The following FCAMR variants were observed in gnomAD, a reference collection of about 807,000 sequenced individuals.
FCAMR encodes Fc alpha and mu receptor, also known as high affinity immunoglobulin alpha and immunoglobulin mu Fc receptor.
Under a neutral mutation model 52.2 loss-of-function variants are expected in FCAMR, and 51 were observed. The ratio of observed to expected loss-of-function variants is 0.98; its 90% CI spans 0.78 to 1.23. The LOEUF is 1.23. Ranked by LOEUF, FCAMR falls within the 50% of genes most tolerant of loss-of-function variation. FCAMR has a pLI of 0.00. For synonymous variants in FCAMR, 282 were observed against 262.0 expected (o/e 1.08, Z -0.74); for missense variants, 719 against 712.6 (o/e 1.01, Z -0.10).
At position 206,962,345 on chromosome 1, in the gene FCAMR, CTG is replaced by C. The variant is rs1209233145; in HGVS notation, c.518_519del (p.Thr173ArgfsTer19). ...ACAAACAAGCCTCTCTGTGGAAAGT[CTG>C]TGAGGGCCACACGGTCACGATAGCG... ...HHRYRDRVAL[T>X]DFPQRGLFVV... On this transcript the variant is annotated frameshift_variant, in exon 5 of 8. Coordinates refer to ENST00000324852, the MANE Select transcript of FCAMR (RefSeq NM_001170631.2). LOFTEE classifies it high-confidence loss of function. The C allele has an allele frequency of 1.2e-6, 2 of 1,614,114 alleles. No individual in the cohort carries two copies. The highest frequency in any genetic ancestry group is 8.5e-7 in the Non-Finnish European group (1 of 1,180,048).
intron 3 of FCAMR, among the ~76,000 whole-genome samples, chr1:206,966,398 T>C (rs558092105): frequency 3.3e-5 from 5 of 152,196 alleles, no homozygotes; most frequent in Non-Finnish European, 5.9e-5. Context: ...TTTTTGTTTT[T>C]GTTTTGAGAT....
rs989009096 is a variant in FCAMR, at chr1:206,957,998, A to T, written c.*518T>A. The T allele has an allele frequency of 6.6e-6, 1 of 152,286 alleles. No homozygotes were observed. The allele number at this position is 152,286 out of a possible 1,614,324, so 9.4% of individuals were successfully genotyped here. On this transcript the variant is annotated 3_prime_UTR_variant, in exon 8 of 8. Transcript: ENST00000324852. Reference sequence around the variant, plus strand: ...AGACACAGGTATTTATTGGGGTCCTACTGAGTTGGAAGTTCTCTGGGGGCA... The same window carrying T: ...AGACACAGGTATTTATTGGGGTCCTTCTGAGTTGGAAGTTCTCTGGGGGCA...
chr1:206,961,977 G>A (rs1369544732), intron 5 of FCAMR, among the ~76,000 whole-genome samples: 1 of 152,198 alleles, frequency 6.6e-6, no homozygotes, highest in Non-Finnish European at 1.5e-5. Context: ...GGGGGACACA[G>A]GTGGGAGAGT....
At chr1:206,959,421 G>A (rs959105527) in intron 7 of FCAMR, among the ~76,000 whole-genome samples, 1 of 149,318 alleles carries the variant, frequency 6.7e-6, no homozygotes, top group Non-Finnish European at 1.5e-5. Context: ...AAGTTGTAGT[G>A]AGCCAAGATC....
chr1:206,962,923 A>C (rs1040325351), intron 4 of FCAMR, among the ~76,000 whole-genome samples: 1 of 152,202 alleles, frequency 6.6e-6, no homozygotes, highest in Non-Finnish European at 1.5e-5. Context: ...GTCACTCCTC[A>C]CTGTAGATTT....
chr1:206,969,538 A>G (rs548867018), intron 1 of FCAMR, among the ~76,000 whole-genome samples: 54 of 152,284 alleles, frequency 3.5e-4, no homozygotes, highest in African/African-American at 1.3e-3. Flanking sequence ...TGTCCCTCTC[A>G]TCCTGCTGGG....
chr1:206,963,222 T>C (rs1439290778), intron 4 of FCAMR, among the ~76,000 whole-genome samples: 2 of 152,230 alleles, frequency 1.3e-5, no homozygotes, highest in East Asian at 1.9e-4. Flanking sequence ...TTCACACTAG[T>C]CACTTTTCCA....
intron 3 of FCAMR, 124 bp from the exon 4 acceptor site, chr1:206,965,982 A>G: frequency 2.2e-6 from 3 of 1,336,226 alleles, no homozygotes; most frequent in Non-Finnish European, 3.1e-6. Flanking sequence ...CAGGCCATCC[A>G]TCAAGTAAGA....
Position 206,958,647 on chromosome 1 carries a change from G to A in FCAMR, c.1603C>T (p.Gln535Ter). The A allele has an allele frequency of 6.2e-7, 1 of 1,614,072 alleles. No individual in the cohort carries two copies. Among genetic ancestry groups the A allele is most frequent in the Non-Finnish European group, 8.5e-7 (1 of 1,180,028 alleles). ...SQEAERVTLIQMTHFLEVNPQ... is the reference protein window; with the variant it reads ...SQEAERVTLI ...TTCACTTCCAGAAAATGTGTCATCT[G>A]AATTAAGGTGACCCTTTCTGCCTCC... is the stretch of plus-strand genomic sequence containing the variant. The change falls in exon 8 of 8, where the codon CAG becomes TAG. Residue 535 changes from glutamine (Q) to a stop codon, truncating the protein, a stop_gained. Coordinates refer to ENST00000324852, the MANE Select transcript of FCAMR (RefSeq NM_001170631.2). LOFTEE classifies it low-confidence loss of function (END_TRUNC).
At position 206,961,134 on chromosome 1, in the gene FCAMR, A is replaced by C. The variant is rs1169832204; in HGVS notation, c.742T>G (p.Trp248Gly). 2 of 1,551,560 alleles carry C rather than the reference A, an allele frequency of 1.3e-6. No homozygotes were observed. The highest frequency in any genetic ancestry group is 1.4e-5 in the African/African-American group (1 of 72,998). ...YGTASPVANR[W>G]TPGTTQTLGQ... Reference sequence around the variant, plus strand: ...AAGGTCTGGGTGGTTCCTGGGGTCCATCTGTTGGCCACTGGAGACGCTGTT... The same window carrying C: ...AAGGTCTGGGTGGTTCCTGGGGTCCCTCTGTTGGCCACTGGAGACGCTGTT... Residue 248 changes from tryptophan (W) to glycine (G), a missense_variant, in exon 6 of 8, where the codon TGG becomes GGG. Physicochemically the swap from Trp to Gly is radical, Grantham distance 184. Transcript: ENST00000324852.
At chr1:206,965,213 T>C (rs1004785897) in intron 4 of FCAMR, among the ~76,000 whole-genome samples, 32 of 152,208 alleles carry the variant, frequency 2.1e-4, no homozygotes, top group African/African-American at 7.5e-4. Context: ...TTTCAGGAAT[T>C]CCCCTGATCT....
Position 206,967,033 on chromosome 1 carries a change from G to A in FCAMR, c.169+19C>T, listed in dbSNP as rs1680742248. 6.2e-7 allele frequency: 1 copy of A among 1,613,432 alleles called. No homozygotes were observed. Among genetic ancestry groups the A allele is most frequent in the Non-Finnish European group, 8.5e-7 (1 of 1,179,842 alleles). On this transcript the variant is annotated intron_variant, in intron 3 of 7. Transcript: ENST00000324852. ...TCTGGTTTTGTAAGCCCTGAACCTG[G>A]GCTGGGTTTGGGACTCACCTTGTAG...
intron 1 of FCAMR, among the ~76,000 whole-genome samples, chr1:206,968,499 T>C (rs1174920930): frequency 6.6e-6 from 1 of 152,238 alleles, no homozygotes; most frequent in African/African-American, 2.4e-5. Flanking sequence ...AAACTAAAGT[T>C]AGCCGTTGAG....
intron 6 of FCAMR, chr1:206,960,221 A>T: frequency 1.7e-6 from 1 of 581,428 alleles, no homozygotes. Context: ...TCATTTAGAT[A>T]TCACTTGAAA....
intron 5 of FCAMR, 117 bp downstream of exon 5, chr1:206,962,096 T>G: frequency 9.7e-7 from 1 of 1,029,458 alleles, no homozygotes; most frequent in Non-Finnish European, 1.4e-6. Context: ...TGCCCCAGCT[T>G]TTCATTGTCA....
chr1:206,968,994 T>C (rs1680824702), intron 1 of FCAMR, among the ~76,000 whole-genome samples: 1 of 152,196 alleles, frequency 6.6e-6, no homozygotes, highest in South Asian at 2.1e-4. Context: ...GCAAGTCCCC[T>C]AGCTTGGGCA....
rs17018337 is a variant in FCAMR, at chr1:206,960,847, G to A, written c.1029C>T (p.Asp343=). The A allele has an allele frequency of 0.011, 17,714 of 1,552,282 alleles. 1,643 individuals are homozygous for A. The African/African-American group carries it at 0.21, about 18-fold the overall frequency. The change falls in exon 6 of 8, where the codon GAC becomes GAT. Residue 343 remains aspartate (D), a synonymous_variant. Coordinates refer to ENST00000324852, the MANE Select transcript of FCAMR (RefSeq NM_001170631.2). ...CCTTGGTAGTTGTCATCTCCCTCCTGTCCTTGCTGGCTCTAGCCCTGTTTG... is the reference window on the plus strand; with the variant it reads ...CCTTGGTAGTTGTCATCTCCCTCCTATCCTTGCTGGCTCTAGCCCTGTTTG... ...SVTNRARASK[D]RREMTTTKAD...
In FCAMR at chr1:206,962,403, G is replaced by T; in HGVS notation, c.462C>A (p.Thr154=). The change falls in exon 5 of 8, where the codon ACC becomes ACA. Residue 154 remains threonine, a synonymous_variant. Transcript: ENST00000324852. ...GAGTATACTGGTTGGTGGACACAAT[G>T]GTCTGGCAGATCCATCTTGGGGGCC... ...RLGPPRWICQ[T]IVSTNQYTHH... is the part of the protein sequence containing the mutation. 2 of 1,614,170 alleles carry T rather than the reference G, an allele frequency of 1.2e-6. No individual in the cohort carries two copies. Among genetic ancestry groups the T allele is most frequent in the South Asian group, 1.1e-5 (1 of 91,076 alleles).
At position 206,962,516 on chromosome 1, in the gene FCAMR, CT is replaced by C; in HGVS notation, c.348del (p.Glu118SerfsTer66). ...PNSLKGSRLV[S>X]GEPGGAVTIQ... ...ATGGTGACAGCTCCTCCAGGCTCCC[CT>C]GACACCAGCCTTGAGCCCTTCAATG... On this transcript the variant is annotated frameshift_variant, in exon 5 of 8. Coordinates refer to ENST00000324852, the MANE Select transcript of FCAMR (RefSeq NM_001170631.2). LOFTEE classifies it high-confidence loss of function. 1 of 1,596,626 alleles carries C rather than the reference CT, an allele frequency of 6.3e-7. No homozygotes were observed. The highest frequency in any genetic ancestry group is 8.6e-7 in the Non-Finnish European group (1 of 1,168,208).
Sources: gnomAD v4.1 joint callset for allele counts (sites outside exome capture counted in the v4.1 genomes callset) on GRCh38, gnomAD v4.1.1 for gene constraint, MANE v1.5 for transcripts, NCBI Gene and HGNC (gene_info 2026-07-23, HGNC 2026-07-21) for gene names.